Variants in SNTG2 observed in about 807,000 individuals in gnomAD.
SNTG2 encodes gamma-2-syntrophin.
SNTG2 carries 74 observed loss-of-function variants against 70.9 expected under a neutral mutation model. That is an observed-to-expected ratio of 1.04 (90% CI 0.86 to 1.27). The LOEUF (loss-of-function observed/expected upper bound fraction) is 1.27. Ranked by LOEUF, SNTG2 falls within the 50% of genes most tolerant of loss-of-function variation. The pLI is 0.00. For synonymous variants in SNTG2, 278 were observed against 273.8 expected, an observed-to-expected ratio of 1.02 and a Z score of -0.15; for missense variants, 717 against 690.7, an observed-to-expected ratio of 1.04 and a Z score of -0.43.
intron 1 of SNTG2, among the ~76,000 whole-genome samples, chr2:1,066,709 A>G (rs1372989775): frequency 6.6e-6 from 1 of 152,030 alleles, no homozygotes; most frequent in African/African-American, 2.4e-5. Context: ...CGATGCTTCA[A>G]AACGACGATT....
intron 1 of SNTG2, among the ~76,000 whole-genome samples, chr2:1,056,249 A>G (rs59442469): frequency 0.064 from 4,414 of 68,518 alleles, 186 homozygotes; most frequent in East Asian, 0.27. Context: ...GAGAGGCCGC[A>G]CTGTGCTGTG....
intron 1 of SNTG2, among the ~76,000 whole-genome samples, chr2:1,015,829 C>T (rs1255201505): frequency 6.6e-6 from 1 of 152,144 alleles, no homozygotes; most frequent in Non-Finnish European, 1.5e-5. Flanking sequence ...CCTAGAAATT[C>T]CTTCGCTCCC....
At chr2:1,120,125 T>C (rs76234545) in intron 4 of SNTG2, among the ~76,000 whole-genome samples, 1,964 of 152,230 alleles carry the variant, frequency 0.013, 35 homozygotes, top group African/African-American at 0.042. Flanking sequence ...GAGAAAATGG[T>C]ATTGATCATT....
intron 6 of SNTG2, 38 bp from the exon 7 acceptor site, chr2:1,165,510 T>G (rs758973625): frequency 1.0e-4 from 159 of 1,545,188 alleles, no homozygotes; most frequent in Non-Finnish European, 1.4e-4. Context: ...CTGGTTCTTT[T>G]GTGGTGGTAA....
chr2:1,325,324 G>A (rs1338217895), intron 16 of SNTG2, among the ~76,000 whole-genome samples: 3 of 152,162 alleles, frequency 2.0e-5, no homozygotes, highest in African/African-American at 4.8e-5. Context: ...GCTCACAAAA[G>A]TATAGTTTAC....
chr2:1,055,535 G>A (rs1572318922), intron 1 of SNTG2, among the ~76,000 whole-genome samples: 1 of 152,228 alleles, frequency 6.6e-6, no homozygotes, highest in African/African-American at 2.4e-5. Flanking sequence ...CTAGATCAGT[G>A]TGCTGAATGC....
chr2:1,008,766 G>A (rs1326413538), intron 1 of SNTG2, among the ~76,000 whole-genome samples: 1 of 152,046 alleles, frequency 6.6e-6, no homozygotes, highest in Non-Finnish European at 1.5e-5. Flanking sequence ...TAGTATTTTT[G>A]CTTTTCCATA....
chr2:1,283,710 A>C (rs1033330091), intron 14 of SNTG2, among the ~76,000 whole-genome samples: 1 of 151,984 alleles, frequency 6.6e-6, no homozygotes, highest in Non-Finnish European at 1.5e-5. Flanking sequence ...TCCCTCTCGC[A>C]TGGGACGTCC....
chr2:1,030,210 A>C (rs1415858291), intron 1 of SNTG2, among the ~76,000 whole-genome samples: 2 of 152,112 alleles, frequency 1.3e-5, no homozygotes, highest in African/African-American at 4.8e-5. Context: ...GCTGTATTTG[A>C]TGCTGAACTT....
At chr2:1,109,603 C>T (rs570831008) in intron 4 of SNTG2, among the ~76,000 whole-genome samples, 7 of 152,266 alleles carry the variant, frequency 4.6e-5, no homozygotes, top group African/African-American at 1.7e-4. Context: ...ATAAAGAGTC[C>T]TTTACTTGTA....
At chr2:1,205,723 A>G (rs1673592811) in intron 8 of SNTG2, among the ~76,000 whole-genome samples, 2 of 152,100 alleles carry the variant, frequency 1.3e-5, no homozygotes, top group South Asian at 4.1e-4. Context: ...TCTTCGAAAC[A>G]CGTGTGGCTT....
At chr2:1,072,365 T>TA (rs1491466820) in intron 1 of SNTG2, among the ~76,000 whole-genome samples, 1 of 142,942 alleles carries the variant, frequency 7.0e-6, no homozygotes, top group East Asian at 2.0e-4. Flanking sequence ...TTTTTTTTTT[T>TA]ACCATTCTGA....
At chr2:1,156,607 C>T (rs1428811458) in intron 6 of SNTG2, among the ~76,000 whole-genome samples, 5 of 152,190 alleles carry the variant, frequency 3.3e-5, no homozygotes, top group Admixed American at 3.3e-4. Context: ...GGTGCAGCCA[C>T]AGAGCGGGAA....
rs181238360 is a variant in SNTG2, at chr2:1,323,210, T to C, written c.1488+6835T>C. On this transcript the variant is annotated intron_variant, in intron 16 of 16. Coordinates refer to ENST00000308624, the MANE Select transcript of SNTG2 (RefSeq NM_018968.4). Reference sequence around the variant, plus strand: ...GGTCTGTCTCTCTGATCAGAATCTTTTTCATAGAGGAAAACACTTGGATTT... The same window carrying C: ...GGTCTGTCTCTCTGATCAGAATCTTCTTCATAGAGGAAAACACTTGGATTT... 3.9e-5 allele frequency among the ~76,000 whole-genome samples: 6 copies of C among 152,338 alleles called. No individual in the cohort carries two copies. In the East Asian group the frequency reaches 1.2e-3, roughly 29 times the overall value.
At chr2:1,271,298 T>C (rs1395744793) in intron 14 of SNTG2, among the ~76,000 whole-genome samples, 2 of 152,198 alleles carry the variant, frequency 1.3e-5, no homozygotes, top group East Asian at 3.8e-4. Flanking sequence ...TACTCAAGTA[T>C]ATTTTTTCCT....
intron 16 of SNTG2, among the ~76,000 whole-genome samples, chr2:1,336,511 A>G (rs943421174): frequency 1.3e-5 from 2 of 152,200 alleles, no homozygotes; most frequent in African/African-American, 4.8e-5. Context: ...TGCCTTTGGA[A>G]TCATATCCAA....
At chr2:1,303,920 C>G (rs1680566421) in intron 14 of SNTG2, among the ~76,000 whole-genome samples, 1 of 152,198 alleles carries the variant, frequency 6.6e-6, no homozygotes, top group Non-Finnish European at 1.5e-5. Flanking sequence ...ACTGTAGAGT[C>G]TTTGGGTAGC....
chr2:1,317,093 A>G (rs113158000), intron 16 of SNTG2, among the ~76,000 whole-genome samples: 1,417 of 85,340 alleles, frequency 0.017, 148 homozygotes, highest in African/African-American at 0.063. Context: ...AGCATTTAGC[A>G]TCAGGCCAGC....
At chr2:1,019,037 C>T (rs1001928716) in intron 1 of SNTG2, among the ~76,000 whole-genome samples, 2 of 152,202 alleles carry the variant, frequency 1.3e-5, no homozygotes, top group Admixed American at 6.5e-5. Context: ...GCATGTTTTA[C>T]TAGAAGGACC....
Sources: gnomAD v4.1 joint callset for allele counts (sites outside exome capture counted in the v4.1 genomes callset) on GRCh38, gnomAD v4.1.1 for gene constraint, MANE v1.5 for transcripts, NCBI Gene and HGNC (gene_info 2026-07-23, HGNC 2026-07-21) for gene names.